The following NALF2 variants were observed in gnomAD, a reference collection of about 807,000 sequenced individuals.
The protein encoded by NALF2 is NALCN channel auxiliary factor 2.
Under a neutral mutation model 24.8 loss-of-function variants are expected in NALF2, and 1 was observed. The ratio of observed to expected loss-of-function variants is 0.04; its 90% CI spans 0.01 to 0.19. The LOEUF (loss-of-function observed/expected upper bound fraction) is 0.19. NALF2 is among the 10% of genes least tolerant of loss of function. The pLI, the probability that NALF2 is intolerant of heterozygous loss-of-function variation, is 1.00. For synonymous variants in NALF2, 254 were observed against 189.8 expected (o/e 1.34, Z -2.78); for missense variants, 458 against 409.6 (o/e 1.12, Z -1.02).
In NALF2 at chrX:69,505,223, C is replaced by T. The variant is rs1930439695; in HGVS notation, c.-60C>T. On this transcript the variant is annotated 5_prime_UTR_variant, in exon 1 of 3. Coordinates refer to ENST00000252338, the MANE Select transcript of NALF2 (RefSeq NM_015686.3). ...GCAGAGCGGCGCGCAGCCCGCCCGC[C>T]CCAGACGGCCGTCTGGCCTCGCGCC... is the stretch of plus-strand genomic sequence containing the variant. 1.1e-5 allele frequency: 12 copies of T among 1,078,402 alleles called. No individual in the cohort carries two copies. The highest frequency in any genetic ancestry group is 1.5e-5 in the Non-Finnish European group (12 of 823,760). 88.9% of individuals were successfully genotyped at this position (1,078,402 alleles called of 1,213,427 possible). A position where few individuals can be genotyped will look rare whatever the true frequency, so the allele number is the denominator to read the frequency against.
rs1045535063 is a variant in NALF2, at chrX:69,532,002, G to T, written c.*2046G>T. 3 of 112,251 alleles carry T rather than the reference G, an allele frequency of 2.7e-5. No homozygotes were observed. The highest frequency in any genetic ancestry group is 9.8e-5 in the African/African-American group (3 of 30,765). The allele number at this position is 112,251 out of a possible 1,213,427, so 9.3% of individuals were successfully genotyped here. On this transcript the variant is annotated 3_prime_UTR_variant, in exon 3 of 3. Transcript: ENST00000252338. ...ACTGGGAAGTAAAGGGAAACCATAT[G>T]GCCCCAGGGAATGGACCCTTGGAGA... is the stretch of plus-strand genomic sequence containing the variant.
intron 1 of NALF2, among the ~76,000 whole-genome samples, chrX:69,514,211 A>T (rs1307210100): frequency 1.0e-5 from 1 of 97,579 alleles, no homozygotes; most frequent in African/African-American, 4.0e-5. Flanking sequence ...AAAAAAAAAA[A>T]CTCCCCATTC....
rs182427492 is a variant in NALF2, at chrX:69,506,586, C to A, written c.861+443C>A. Reference sequence around the variant, plus strand: ...GATGGGAGGAAGAATATTTGGCAACCAAACCCTCACCCTTTGGCTTCTGCC... The same window carrying A: ...GATGGGAGGAAGAATATTTGGCAACAAAACCCTCACCCTTTGGCTTCTGCC... On this transcript the variant is annotated intron_variant, in intron 1 of 2. Coordinates refer to ENST00000252338, the MANE Select transcript of NALF2 (RefSeq NM_015686.3). 2.7e-3 allele frequency among the ~76,000 whole-genome samples: 306 copies of A among 113,201 alleles called. 1 individual carries two copies. The highest frequency in any genetic ancestry group is 8.9e-3 in the African/African-American group (279 of 31,224).
chrX:69,528,284 G>A (rs1199978081), intron 1 of NALF2, among the ~76,000 whole-genome samples: 2 of 112,140 alleles, frequency 1.8e-5, no homozygotes, highest in African/African-American at 6.5e-5. Flanking sequence ...CTGCAAAGCA[G>A]AGGTTCCAAA....
rs1284455010 is a variant in NALF2, at chrX:69,504,582, G to C, written c.-701G>C. On this transcript the variant is annotated 5_prime_UTR_variant, in exon 1 of 3. Transcript: ENST00000252338. ...CGCCTGTGGCGCTGCCGGGAGCCAG[G>C]TGGCCCGCCCGAGCCGGAACTCCAG... is the stretch of plus-strand genomic sequence containing the variant. Among the ~76,000 whole-genome samples the C allele has an allele frequency of 8.8e-6, 1 of 113,018 alleles. No homozygotes were observed. Among genetic ancestry groups the C allele is most frequent in the Non-Finnish European group, 1.9e-5 (1 of 53,105 alleles).
Position 69,505,309 on chromosome X carries a change from C to T in NALF2, c.27C>T (p.Pro9=), listed in dbSNP as rs768747110. 5.2e-6 allele frequency: 6 copies of T among 1,154,032 alleles called. No homozygotes were observed. The African/African-American group carries it at 7.3e-5, about 14-fold the overall frequency. The change falls in exon 1 of 3, where the codon CCC becomes CCT. Residue 9 remains proline, a synonymous_variant. Transcript: ENST00000252338. The part of the protein sequence containing the change: MFRGAWMW[P]GKDAAALTIC... ...TGTTCAGGGGCGCTTGGATGTGGCCCGGGAAAGACGCCGCCGCGCTGACTA... is the reference window on the plus strand; with the variant it reads ...TGTTCAGGGGCGCTTGGATGTGGCCTGGGAAAGACGCCGCCGCGCTGACTA...
chrX:69,515,761 AT>A (rs1438746444), intron 1 of NALF2, among the ~76,000 whole-genome samples: 1 of 112,192 alleles, frequency 8.9e-6, no homozygotes. Context: ...TTTGTGGCAG[AT>A]TTTTTTCATT....
Position 69,505,095 on chromosome X carries a change from G to C in NALF2, c.-188G>C. Reference sequence around the variant, plus strand: ...CGGAGCGCGGGAGCGGCGCGGAGACGGCACCAGAGCGCCCCGCGACTCCGG... The same window carrying C: ...CGGAGCGCGGGAGCGGCGCGGAGACCGCACCAGAGCGCCCCGCGACTCCGG... On this transcript the variant is annotated 5_prime_UTR_variant, in exon 1 of 3. Transcript: ENST00000252338. 3.9e-6 allele frequency: 1 copy of C among 259,669 alleles called. No homozygotes were observed. Among genetic ancestry groups the C allele is most frequent in the Non-Finnish European group, 6.6e-6 (1 of 152,657 alleles). The allele number at this position is 259,669 out of a possible 1,213,427, so 21.4% of individuals were successfully genotyped here.
At chrX:69,511,476 G>A (rs1019003760) in intron 1 of NALF2, among the ~76,000 whole-genome samples, 1 of 111,518 alleles carries the variant, frequency 9.0e-6, no homozygotes, top group Non-Finnish European at 1.9e-5. Context: ...TTACCATTCA[G>A]GGTAGACATG....
chrX:69,523,674 C>T (rs1930763362), intron 1 of NALF2, among the ~76,000 whole-genome samples: 1 of 112,113 alleles, frequency 8.9e-6, no homozygotes. Flanking sequence ...GAAAGGAGGG[C>T]ACTGCCAGGT....
chrX:69,529,426 A>G, intron 2 of NALF2, 145 bp from the exon 3 acceptor site: 1 of 1,012,178 alleles, frequency 9.9e-7, no homozygotes, highest in Non-Finnish European at 1.3e-6. Flanking sequence ...AGAAGGGCTC[A>G]GAAAGGGCAA....
In NALF2 at chrX:69,505,151, C is replaced by A; in HGVS notation, c.-132C>A. On this transcript the variant is annotated 5_prime_UTR_variant, in exon 1 of 3. Transcript: ENST00000252338. Reference sequence around the variant, plus strand: ...GCGGGGCATCGCGCCGGCCGGCCTGCCTCACCATGCAGCCCCCGAGGTAGA... The same window carrying A: ...GCGGGGCATCGCGCCGGCCGGCCTGACTCACCATGCAGCCCCCGAGGTAGA... 1.7e-6 allele frequency: 1 copy of A among 590,077 alleles called. No individual in the cohort carries two copies. Among genetic ancestry groups the A allele is most frequent in the Non-Finnish European group, 2.4e-6 (1 of 418,999 alleles). The allele number at this position is 590,077 out of a possible 1,213,427, so 48.6% of individuals were successfully genotyped here.
At chrX:69,521,329 T>C (rs1455217521) in intron 1 of NALF2, among the ~76,000 whole-genome samples, 2 of 110,665 alleles carry the variant, frequency 1.8e-5, no homozygotes, top group Non-Finnish European at 3.8e-5. Context: ...AACTCAACCC[T>C]CTCCCACATG....
At position 69,527,054 on chromosome X, in the gene NALF2, C is replaced by T. The variant is rs775243548; in HGVS notation, c.862-1939C>T. 3.6e-5 allele frequency among the ~76,000 whole-genome samples: 4 copies of T among 111,393 alleles called. No individual in the cohort carries two copies. In the East Asian group the frequency reaches 1.1e-3, roughly 32 times the overall value. ...GTGGAGAGGCCAGATGGGAGACTGT[C>T]ATCCAGGTGAGAGATGATGATGGCT... On this transcript the variant is annotated intron_variant, in intron 1 of 2. Transcript: ENST00000252338.
rs760206282 is a variant in NALF2, at chrX:69,505,775, C to T, written c.493C>T (p.Pro165Ser). 2.5e-6 allele frequency: 3 copies of T among 1,211,518 alleles called. No homozygotes were observed. Among genetic ancestry groups the T allele is most frequent in the Admixed American group, 2.2e-5 (1 of 46,142 alleles). ...TTTCGAACCGACTACTCCGGCCCCCCCTCTGCGGCCCCCTGACTCCCTTTC... is the reference window on the plus strand; with the variant it reads ...TTTCGAACCGACTACTCCGGCCCCCTCTCTGCGGCCCCCTGACTCCCTTTC... Reference protein sequence around the residue: ...RLFEPTTPAPPLRPPDSLSRA... With the variant: ...RLFEPTTPAPSLRPPDSLSRA... The change falls in exon 1 of 3, where the codon CCT (proline) becomes TCT (serine). Residue 165 changes from proline (P) to serine (S), a missense_variant. Transcript: ENST00000252338.
intron 1 of NALF2, among the ~76,000 whole-genome samples, chrX:69,509,927 T>C (rs944882405): frequency 8.9e-6 from 1 of 112,141 alleles, no homozygotes; most frequent in Non-Finnish European, 1.9e-5. Context: ...ACCTGTAAAA[T>C]GGGGCTAATT....
intron 1 of NALF2, among the ~76,000 whole-genome samples, chrX:69,512,148 A>G (rs181767621): frequency 2.7e-5 from 3 of 111,368 alleles, no homozygotes; most frequent in Non-Finnish European, 5.7e-5. Context: ...ATCTGGACAA[A>G]TCTGGACCCC....
chrX:69,531,010 A>G lies in NALF2; in HGVS notation c.*1054A>G, dbSNP rs1426533459. The stretch of plus-strand genomic sequence containing the variant: ...GGTCAGGCCTGGCCCAGGTCCTTAT[A>G]CTCCCCTATCTTGTCCTAGCCCAGG... On this transcript the variant is annotated 3_prime_UTR_variant, in exon 3 of 3. Coordinates refer to ENST00000252338, the MANE Select transcript of NALF2 (RefSeq NM_015686.3). The G allele has an allele frequency of 8.9e-6, 1 of 111,794 alleles. No individual in the cohort carries two copies. Among genetic ancestry groups the G allele is most frequent in the Non-Finnish European group, 1.9e-5 (1 of 52,960 alleles). 9.2% of individuals were successfully genotyped at this position (111,794 alleles called of 1,213,427 possible). A position where few individuals can be genotyped will look rare whatever the true frequency, so the allele number is the denominator to read the frequency against.
At position 69,505,168 on chromosome X, in the gene NALF2, C is replaced by G; in HGVS notation, c.-115C>G. ...CCGGCCTGCCTCACCATGCAGCCCC[C>G]GAGGTAGAGCCTGGACGGCGCCGAG... On this transcript the variant is annotated 5_prime_UTR_variant, in exon 1 of 3. Coordinates refer to ENST00000252338, the MANE Select transcript of NALF2 (RefSeq NM_015686.3). 1 of 749,712 alleles carries G rather than the reference C, an allele frequency of 1.3e-6. No homozygotes were observed. Among genetic ancestry groups the G allele is most frequent in the Non-Finnish European group, 1.8e-6 (1 of 553,408 alleles). 61.8% of individuals were successfully genotyped at this position (749,712 alleles called of 1,213,427 possible).
Sources: allele counts gnomAD v4.1 joint callset (sites outside exome capture counted in the v4.1 genomes callset), GRCh38; gene constraint gnomAD v4.1.1; transcripts MANE v1.5; gene names NCBI Gene and HGNC (gene_info 2026-07-23, HGNC 2026-07-21).